EBPL: variants seen among roughly 807,000 people sequenced by gnomAD.
The protein encoded by EBPL is EBP like.
Under a neutral mutation model 19.0 loss-of-function variants are expected in EBPL, and 20 were observed. The ratio of observed to expected loss-of-function variants is 1.05; its 90% CI spans 0.74 to 1.53. The LOEUF is 1.53. EBPL is among the 40% of genes most tolerant of loss of function. The pLI is 0.00. For synonymous variants in EBPL, 107 were observed against 117.0 expected (o/e 0.91, Z 0.55); for missense variants, 219 against 261.1 (o/e 0.84, Z 1.11).
intron 2 of EBPL, among the ~76,000 whole-genome samples, chr13:49,666,707 G>A (rs1431943537): frequency 2.9e-5 from 2 of 68,818 alleles, no homozygotes; most frequent in African/African-American, 1.1e-4. Flanking sequence ...GTGAGACTCC[G>A]TCTCAAAAAA....
At chr13:49,683,065 C>T (rs1234838814) in intron 1 of EBPL, among the ~76,000 whole-genome samples, 1 of 152,118 alleles carries the variant, frequency 6.6e-6, no homozygotes, top group African/African-American at 2.4e-5. Context: ...CCTCCACCTC[C>T]CAGGTTCAAG....
intron 3 of EBPL, among the ~76,000 whole-genome samples, chr13:49,662,796 T>A (rs919337639): frequency 6.6e-6 from 1 of 152,112 alleles, no homozygotes; most frequent in African/African-American, 2.4e-5. Flanking sequence ...CCACGCCTAA[T>A]TTTTAAATTT....
At chr13:49,675,953 CCT>C (rs1231350049) in intron 1 of EBPL, among the ~76,000 whole-genome samples, 1 of 152,018 alleles carries the variant, frequency 6.6e-6, no homozygotes, top group Non-Finnish European at 1.5e-5. Flanking sequence ...TTGCATTTCC[CCT>C]AATGACTGAC....
At chr13:49,673,336 A>G (rs1000639057) in intron 1 of EBPL, among the ~76,000 whole-genome samples, 7 of 152,200 alleles carry the variant, frequency 4.6e-5, no homozygotes, top group African/African-American at 1.4e-4. Flanking sequence ...TACAAAAACA[A>G]CTACACGAAT....
intron 2 of EBPL, among the ~76,000 whole-genome samples, chr13:49,663,949 AC>A (rs1367603167): frequency 7.2e-6 from 1 of 138,090 alleles, no homozygotes; most frequent in African/African-American, 2.7e-5. Flanking sequence ...AAAAAAACAA[AC>A]AACCAAAAAC....
chr13:49,691,402 C>T lies in EBPL; in HGVS notation c.23G>A (p.Gly8Glu), dbSNP rs748765071. The T allele has an allele frequency of 3.0e-6, 4 of 1,354,834 alleles. No homozygotes were observed. Among genetic ancestry groups the T allele is most frequent in the Non-Finnish European group, 3.8e-6 (4 of 1,052,926 alleles). 83.9% of individuals were successfully genotyped at this position (1,354,834 alleles called of 1,614,324 possible). Residue 8 changes from glycine to glutamate, a missense_variant, in exon 1 of 4, where the codon GGG (glycine) becomes GAG (glutamate). By Grantham distance (98) the Gly-to-Glu change is moderately conservative. Around this residue, in one of 2 missense-constraint regions of EBPL, gnomAD observed 170 missense variants for 167.0 expected, o/e 1.02. Transcript: ENST00000242827. MGAEWEL[G>E]AEAGGSLLLC... ...CAGCAGCGAACCGCCAGCCTCGGCC[C>T]CCAGCTCCCACTCAGCGCCCATGCT...
chr13:49,670,837 G>A lies in EBPL; in HGVS notation c.172-991C>T, dbSNP rs758024907. ...TGCAGTCTCTGGGCTTCTAAACCAC[G>A]AAAGAGTATGACAGCCTCTACCAGG... On this transcript the variant is annotated intron_variant, in intron 1 of 3. Coordinates refer to ENST00000242827, the MANE Select transcript of EBPL (RefSeq NM_032565.5). Among the ~76,000 whole-genome samples the A allele has an allele frequency of 7.9e-5, 12 of 152,128 alleles. No homozygotes were observed. In the South Asian group the frequency reaches 8.3e-4, roughly 11 times the overall value.
At chr13:49,668,374 C>T (rs1374470927) in intron 2 of EBPL, 10 of 232,662 alleles carry the variant, frequency 4.3e-5, no homozygotes, top group Non-Finnish European at 8.7e-5. Context: ...GAGATCGAGA[C>T]CATCCTGGCT....
intron 1 of EBPL, among the ~76,000 whole-genome samples, chr13:49,672,587 A>G (rs1953829575): frequency 6.6e-6 from 1 of 152,230 alleles, no homozygotes; most frequent in Non-Finnish European, 1.5e-5. Context: ...GACAGTTAAA[A>G]ATAATAATAA....
At chr13:49,672,548 T>C (rs1451989391) in intron 1 of EBPL, among the ~76,000 whole-genome samples, 3 of 151,448 alleles carry the variant, frequency 2.0e-5, no homozygotes, top group Non-Finnish European at 4.4e-5. Flanking sequence ...CCTAAAAGAG[T>C]AAGAAATAAA....
chr13:49,676,435 C>CA (rs1953876857), intron 1 of EBPL, among the ~76,000 whole-genome samples: 2 of 151,932 alleles, frequency 1.3e-5, no homozygotes, highest in South Asian at 2.1e-4. Flanking sequence ...ACTAAAAATA[C>CA]AAAAAAATTA....
intron 1 of EBPL, among the ~76,000 whole-genome samples, chr13:49,680,978 T>TG (rs1421631381): frequency 2.0e-5 from 3 of 152,188 alleles, no homozygotes; most frequent in African/African-American, 4.8e-5. Flanking sequence ...TTAAGTTCCA[T>TG]GGTAGCCTTC....
chr13:49,668,997 A>G (rs970712891), intron 2 of EBPL, among the ~76,000 whole-genome samples: 1 of 150,668 alleles, frequency 6.6e-6, no homozygotes, highest in Admixed American at 6.7e-5. Context: ...CTCTTGCCTC[A>G]GCCTCCCAAG....
chr13:49,684,099 C>A (rs74077707), intron 1 of EBPL, among the ~76,000 whole-genome samples: 1,608 of 152,214 alleles, frequency 0.011, 25 homozygotes, highest in African/African-American at 0.037. Context: ...TTTGTTGGGG[C>A]TGGTGATGGG....
chr13:49,674,745 A>G (rs1953858169), intron 1 of EBPL, among the ~76,000 whole-genome samples: 1 of 152,174 alleles, frequency 6.6e-6, no homozygotes. Flanking sequence ...GCAGTGAGGA[A>G]AAATTTCAGA....
At chr13:49,661,948 A>AAGGG (rs1256741808) in intron 3 of EBPL, 2 of 1,539,884 alleles carry the variant, frequency 1.3e-6, no homozygotes, top group African/African-American at 1.4e-5. Context: ...AAAAGGAAGG[A>AAGGG]AGGGAGGAGA....
Position 49,689,952 on chromosome 13 carries a change from C to A in EBPL, c.171+1302G>T, listed in dbSNP as rs117548796. 5.1e-3 allele frequency among the ~76,000 whole-genome samples: 781 copies of A among 152,166 alleles called. 34 individuals carry two copies. In the East Asian group the frequency reaches 0.11, roughly 22 times the overall value. On this transcript the variant is annotated intron_variant, in intron 1 of 3. Transcript: ENST00000242827. The stretch of plus-strand genomic sequence containing the variant: ...ATCATCTGATGTTAGGGGTTTGAGA[C>A]CAGTCTGGCCAACATAGTGAAACCT...
intron 2 of EBPL, among the ~76,000 whole-genome samples, chr13:49,669,450 G>A (rs1316846135): frequency 2.6e-5 from 4 of 152,168 alleles, no homozygotes; most frequent in African/African-American, 4.8e-5. Context: ...TTATTAAGAT[G>A]TAATTCACAT....
chr13:49,678,372 T>G (rs949694138), intron 1 of EBPL, among the ~76,000 whole-genome samples: 1 of 152,180 alleles, frequency 6.6e-6, no homozygotes, highest in Admixed American at 6.5e-5. Flanking sequence ...GACAGGTCGC[T>G]GCGGAGCAGG....
Sources: gnomAD v4.1 joint callset for allele counts (sites outside exome capture counted in the v4.1 genomes callset) on GRCh38, gnomAD v4.1.1 for gene constraint, gnomAD v4.1.1 regional missense constraint, MANE v1.5 for transcripts, NCBI Gene and HGNC (gene_info 2026-07-23, HGNC 2026-07-21) for gene names.